Variants in FBXO42 observed in about 807,000 individuals in gnomAD.
FBXO42 encodes the protein F-box only protein 42.
Under a neutral mutation model 71.7 loss-of-function variants are expected in FBXO42, and 12 were observed. The observed-to-expected ratio is 0.17, with a 90% CI of 0.11 to 0.27. FBXO42 has a LOEUF of 0.27. Among genes scored for constraint, FBXO42 ranks in the 10% least tolerant of loss-of-function variants. The probability of loss-of-function intolerance (pLI) is 1.00; values close to 1 mark genes in which losing one functional copy is unlikely to be tolerated. For missense variants in FBXO42, 707 were observed against 911.9 expected (o/e 0.78, Z 2.89); for synonymous variants, 325 against 327.5 (o/e 0.99, Z 0.08).
intron 3 of FBXO42, among the ~76,000 whole-genome samples, chr1:16,296,928 C>T (rs1216576971): frequency 7.7e-6 from 1 of 130,492 alleles, no homozygotes; most frequent in African/African-American, 3.0e-5. Flanking sequence ...CTCCCCCGCA[C>T]CCCCCACCCC....
In FBXO42 at chr1:16,256,596, T is replaced by A. The variant is rs2100434844; in HGVS notation, c.656+10A>T. On this transcript the variant is annotated intron_variant, in intron 5 of 9. Transcript: ENST00000375592. Reference sequence around the variant, plus strand: ...CTTCCAGATTTAAAGAGTTTATCTTTGTGACTTACCAATTTTTAGAGGGTG... The same window carrying A: ...CTTCCAGATTTAAAGAGTTTATCTTAGTGACTTACCAATTTTTAGAGGGTG... The A allele has an allele frequency of 6.2e-7, 1 of 1,613,110 alleles. No individual in the cohort carries two copies. Among genetic ancestry groups the A allele is most frequent in the African/African-American group, 1.3e-5 (1 of 75,054 alleles).
intron 4 of FBXO42, among the ~76,000 whole-genome samples, chr1:16,283,054 A>G (rs2081981449): frequency 6.6e-6 from 1 of 152,148 alleles, no homozygotes; most frequent in South Asian, 2.1e-4. Context: ...CTATGGGGCC[A>G]AGGAACCCAC....
chr1:16,338,863 T>G (rs1463822325), intron 1 of FBXO42, among the ~76,000 whole-genome samples: 1 of 139,150 alleles, frequency 7.2e-6, no homozygotes, highest in Non-Finnish European at 1.5e-5. Flanking sequence ...CAGGCTGGAG[T>G]GCAGTGGCAC....
chr1:16,297,151 C>A (rs1235181439), intron 3 of FBXO42, among the ~76,000 whole-genome samples: 1 of 152,034 alleles, frequency 6.6e-6, no homozygotes, highest in Non-Finnish European at 1.5e-5. Context: ...ACCGTGTTGG[C>A]CAAGCTGGTC....
At chr1:16,336,541 G>A (rs1263107458) in intron 1 of FBXO42, among the ~76,000 whole-genome samples, 1 of 150,622 alleles carries the variant, frequency 6.6e-6, no homozygotes, top group Non-Finnish European at 1.5e-5. Context: ...TATTTTTAGG[G>A]GAGAGGGGTT....
At chr1:16,256,505 TC>T in intron 5 of FBXO42, 100 bp downstream of exon 5, 1 of 1,259,786 alleles carries the variant, frequency 7.9e-7, no homozygotes, top group Non-Finnish European at 1.1e-6. Flanking sequence ...TCCACAGCTT[TC>T]CATCTAATTC....
At chr1:16,253,776 G>T in intron 6 of FBXO42, 45 bp from the exon 7 acceptor site, 1 of 1,574,296 alleles carries the variant, frequency 6.4e-7, no homozygotes, top group Non-Finnish European at 8.7e-7. Flanking sequence ...GGAGCTCCCA[G>T]GGACCATAAT....
chr1:16,301,966 AT>A, intron 3 of FBXO42, among the ~76,000 whole-genome samples: 1 of 152,134 alleles, frequency 6.6e-6, no homozygotes, highest in Non-Finnish European at 1.5e-5. Flanking sequence ...TGTCATATCC[AT>A]TTTTCAGACA....
In FBXO42 at chr1:16,315,306, G is replaced by GCCTCCAATA. The variant is rs758882125; in HGVS notation, c.104_112dup (p.Val35_Glu37dup). 1.2e-6 allele frequency: 2 copies of GCCTCCAATA among 1,614,062 alleles called. No homozygotes were observed. The highest frequency in any genetic ancestry group is 2.2e-5 in the East Asian group (1 of 44,876). ...GGACCTATTATGTCTAGTCTCCTCAGCCTCCAATACTGGGTGGGGCTCCTC... is the reference window on the plus strand; with the variant it reads ...GGACCTATTATGTCTAGTCTCCTCAGCCTCCAATACCTCCAATACTGGGTGGGGCTCCTC... On this transcript the variant is annotated inframe_insertion, in exon 2 of 10. Coordinates refer to ENST00000375592, the MANE Select transcript of FBXO42 (RefSeq NM_018994.3).
chr1:16,250,556 A>G lies in FBXO42; in HGVS notation c.*114T>C, dbSNP rs1434465316. ...CCTGGAGTGACTTCGGTTGGGAATT[A>G]AAGAGTTTTGGCTTCTGGGAGTAAT... On this transcript the variant is annotated 3_prime_UTR_variant, in exon 10 of 10. Transcript: ENST00000375592. The surrounding 1 kb of genome is among the most constrained non-coding windows in gnomAD (Gnocchi z 4.7). 1 of 1,237,100 alleles carries G rather than the reference A, an allele frequency of 8.1e-7. No individual in the cohort carries two copies. The allele number at this position is 1,237,100 out of a possible 1,614,324, so 76.6% of individuals were successfully genotyped here.
At position 16,329,602 on chromosome 1, in the gene FBXO42, A is replaced by C. The variant is rs183270400; in HGVS notation, c.-17-14167T>G. On this transcript the variant is annotated intron_variant, in intron 1 of 9. Coordinates refer to ENST00000375592, the MANE Select transcript of FBXO42 (RefSeq NM_018994.3). ...CCATCTATAAATCAATCAATCAATC[A>C]ATCCCAAAGTACAAAATGAATATCC... Among the ~76,000 whole-genome samples, 19 of 151,574 alleles carry C rather than the reference A, an allele frequency of 1.3e-4. No homozygotes were observed. The East Asian group carries it at 2.9e-3, about 23-fold the overall frequency.
chr1:16,326,683 C>CAAAAAAA (rs397860543), intron 1 of FBXO42, among the ~76,000 whole-genome samples: 2 of 103,116 alleles, frequency 1.9e-5, no homozygotes, highest in African/African-American at 7.1e-5. Context: ...AACCCTGTCT[C>CAAAAAAA]AAAAAAAAAA....
chr1:16,274,899 T>C lies in FBXO42; in HGVS notation c.503-18140A>G, dbSNP rs535290312. On this transcript the variant is annotated intron_variant, in intron 4 of 9. Transcript: ENST00000375592. ...GCCACCATGCCCAGCTATCAAATTA[T>C]GTCTTAATAGAATAATATTGTTTTT... Among the ~76,000 whole-genome samples, 52 of 152,234 alleles carry C rather than the reference T, an allele frequency of 3.4e-4. 1 individual carries two copies. The highest frequency in any genetic ancestry group is 2.7e-3 in the East Asian group (14 of 5,176).
intron 1 of FBXO42, among the ~76,000 whole-genome samples, chr1:16,317,210 G>A (rs1462353528): frequency 6.6e-6 from 1 of 152,140 alleles, no homozygotes; most frequent in Non-Finnish European, 1.5e-5. Context: ...CTGAGGTCAG[G>A]AGTTCAAGAC....
chr1:16,334,204 C>T (rs1322311841), intron 1 of FBXO42, among the ~76,000 whole-genome samples: 18 of 152,100 alleles, frequency 1.2e-4, no homozygotes, highest in East Asian at 9.6e-4. Flanking sequence ...GAGGCCAAGG[C>T]GGGCAGATCA....
intron 1 of FBXO42, among the ~76,000 whole-genome samples, chr1:16,330,110 G>A (rs888378525): frequency 6.6e-6 from 1 of 152,198 alleles, no homozygotes; most frequent in South Asian, 2.1e-4. Context: ...AATGTAGCTA[G>A]ACACTAAGCT....
In FBXO42 at chr1:16,251,585, G is replaced by A. The variant is rs780205016; in HGVS notation, c.1239C>T (p.Pro413=). Reference sequence around the variant, plus strand: ...CTGAAGGAGTCTGCCTTTGAGCCCTGGGTCTCAGTGTTCCCCAGCGGCCGT... The same window carrying A: ...CTGAAGGAGTCTGCCTTTGAGCCCTAGGTCTCAGTGTTCCCCAGCGGCCGT... The part of the protein sequence containing the change: ...CVNGRWGTLR[P]RAQRQTPSGS... Residue 413 remains proline, a synonymous_variant, in exon 10 of 10, where the codon CCC becomes CCT. Coordinates refer to ENST00000375592, the MANE Select transcript of FBXO42 (RefSeq NM_018994.3). This position sits in a 1 kb window ranked among gnomAD's most constrained non-coding sequence, Gnocchi z 4.5. 6.2e-7 allele frequency: 1 copy of A among 1,614,156 alleles called. No individual in the cohort carries two copies. Among genetic ancestry groups the A allele is most frequent in the Non-Finnish European group, 8.5e-7 (1 of 1,180,012 alleles).
chr1:16,288,960 A>T (rs978336295), intron 4 of FBXO42, among the ~76,000 whole-genome samples: 2 of 151,274 alleles, frequency 1.3e-5, no homozygotes, highest in African/African-American at 4.8e-5. Flanking sequence ...TATGTCTCAA[A>T]AAAAAAAAAA....
At chr1:16,284,694 G>A (rs190358537) in intron 4 of FBXO42, among the ~76,000 whole-genome samples, 19 of 152,192 alleles carry the variant, frequency 1.2e-4, no homozygotes, top group African/African-American at 4.3e-4. Flanking sequence ...TAGGCCAGGC[G>A]CAGGGACTCA....
Sources: allele counts gnomAD v4.1 joint callset (sites outside exome capture counted in the v4.1 genomes callset), GRCh38; gene constraint gnomAD v4.1.1; non-coding constraint Gnocchi (gnomAD v3.1); transcripts MANE v1.5; gene names NCBI Gene and HGNC (gene_info 2026-07-23, HGNC 2026-07-21).